PDE4B: variants seen among roughly 807,000 people sequenced by gnomAD.
PDE4B encodes 3',5'-cyclic-AMP phosphodiesterase 4B.
A neutral mutation model predicts 82.2 loss-of-function variants in PDE4B; 20 were observed. The ratio of observed to expected loss-of-function variants is 0.24; its 90% CI spans 0.17 to 0.35. The LOEUF (loss-of-function observed/expected upper bound fraction) is 0.35, where lower values mean the gene tolerates loss of function less well. PDE4B is among the 10% of genes least tolerant of loss of function. The pLI is 1.00. For synonymous variants in PDE4B, 320 were observed against 318.9 expected (o/e 1.00, Z -0.04); for missense variants, 655 against 907.2 (o/e 0.72, Z 3.57).
At chr1:65,913,105 C>T in intron 1 of PDE4B, 140 bp from the exon 2 acceptor site, 1 of 433,472 alleles carries the variant, frequency 2.3e-6, no homozygotes, top group Non-Finnish European at 4.1e-6. Flanking sequence ...GCATATCAAA[C>T]TTAATTGGCT....
At chr1:66,203,467 G>A (rs1387573742) in intron 3 of PDE4B, among the ~76,000 whole-genome samples, 5 of 152,148 alleles carry the variant, frequency 3.3e-5, no homozygotes, top group African/African-American at 4.8e-5. Context: ...CATTCTCCCT[G>A]TCACTTTCAG....
At position 66,242,505 on chromosome 1, in the gene PDE4B, C is replaced by T. The variant is rs184893198; in HGVS notation, c.282-4955C>T. 7.5e-4 allele frequency among the ~76,000 whole-genome samples: 114 copies of T among 152,208 alleles called. 1 individual carries two copies. In the South Asian group the frequency reaches 0.02, roughly 27 times the overall value. On this transcript the variant is annotated intron_variant, in intron 3 of 16. Transcript: ENST00000341517. Reference sequence around the variant, plus strand: ...GTTCACCTAGAGAATGACTAAGTTGCGAAAGAAAAATCTCCTCTGGTTCAG... The same window carrying T: ...GTTCACCTAGAGAATGACTAAGTTGTGAAAGAAAAATCTCCTCTGGTTCAG...
chr1:65,801,268 G>A (rs774260295), intron 1 of PDE4B, among the ~76,000 whole-genome samples: 19 of 152,124 alleles, frequency 1.2e-4, no homozygotes, highest in Non-Finnish European at 2.5e-4. Flanking sequence ...TTTTCAAGAT[G>A]TATCAGCCCT....
At chr1:66,289,445 G>A (rs189569884) in intron 7 of PDE4B, among the ~76,000 whole-genome samples, 91 of 152,180 alleles carry the variant, frequency 6.0e-4, no homozygotes, top group African/African-American at 2.1e-3. Context: ...TATTTCTATG[G>A]AATCTAGAAA....
chr1:65,908,910 GTTC>G (rs1336734872), intron 1 of PDE4B, among the ~76,000 whole-genome samples: 1 of 152,122 alleles, frequency 6.6e-6, no homozygotes, highest in Non-Finnish European at 1.5e-5. Context: ...CTTGTCATTA[GTTC>G]TTCTACTCTG....
chr1:66,353,111 A>C (rs1470890666), intron 8 of PDE4B, among the ~76,000 whole-genome samples: 1 of 152,216 alleles, frequency 6.6e-6, no homozygotes, highest in African/African-American at 2.4e-5. Flanking sequence ...GGCCATTGTG[A>C]CTGAGCAGTT....
At chr1:66,012,957 C>T (rs2100744273) in intron 3 of PDE4B, among the ~76,000 whole-genome samples, 2 of 152,050 alleles carry the variant, frequency 1.3e-5, no homozygotes, top group African/African-American at 4.8e-5. Flanking sequence ...TATTAGTATC[C>T]CCATCCAAGG....
intron 3 of PDE4B, among the ~76,000 whole-genome samples, chr1:66,060,528 G>C (rs1344858941): frequency 3.9e-5 from 6 of 152,148 alleles, no homozygotes; most frequent in Admixed American, 3.9e-4. Context: ...GGATTTTGAA[G>C]ATTTAGTATA....
At chr1:65,944,259 T>G (rs987713166) in intron 3 of PDE4B, among the ~76,000 whole-genome samples, 25 of 151,932 alleles carry the variant, frequency 1.6e-4, no homozygotes, top group African/African-American at 6.0e-4. Context: ...TTTTTGATTT[T>G]TTTTTTAGAT....
At chr1:66,050,836 T>A (rs1306854181) in intron 3 of PDE4B, 2 of 152,074 alleles carry the variant, frequency 1.3e-5, no homozygotes, top group Non-Finnish European at 2.9e-5. Flanking sequence ...ATGCTGCCCC[T>A]GTCATGGACA....
intron 7 of PDE4B, among the ~76,000 whole-genome samples, chr1:66,266,385 T>A (rs978923314): frequency 6.6e-6 from 1 of 152,346 alleles, no homozygotes; most frequent in African/African-American, 2.4e-5. Flanking sequence ...GTATTGACAG[T>A]GCAGCTTGAC....
chr1:65,804,765 T>G (rs182267020), intron 1 of PDE4B, among the ~76,000 whole-genome samples: 229 of 152,218 alleles, frequency 1.5e-3, no homozygotes, highest in African/African-American at 5.3e-3. Flanking sequence ...CCAGGTGGGC[T>G]GGGAGGAGGA....
At chr1:66,236,980 G>A (rs1192208591) in intron 3 of PDE4B, among the ~76,000 whole-genome samples, 1 of 152,192 alleles carries the variant, frequency 6.6e-6, no homozygotes, top group African/African-American at 2.4e-5. Context: ...GGTGATTAGA[G>A]CAATGAAATG....
At chr1:65,830,218 C>T (rs1052985636) in intron 1 of PDE4B, among the ~76,000 whole-genome samples, 2 of 151,976 alleles carry the variant, frequency 1.3e-5, no homozygotes. Flanking sequence ...AATAAATACA[C>T]GTGCATCTAC....
At chr1:66,307,962 C>G (rs558279824) in intron 7 of PDE4B, among the ~76,000 whole-genome samples, 2 of 152,170 alleles carry the variant, frequency 1.3e-5, no homozygotes, top group South Asian at 4.1e-4. Context: ...GCATGTTGCA[C>G]ACATTATTTT....
At chr1:66,075,066 G>T (rs969599750) in intron 3 of PDE4B, among the ~76,000 whole-genome samples, 1 of 152,034 alleles carries the variant, frequency 6.6e-6, no homozygotes, top group African/African-American at 2.4e-5. Context: ...CACAGCAGCA[G>T]CAGAAGTGTT....
intron 3 of PDE4B, among the ~76,000 whole-genome samples, chr1:66,221,895 C>CT (rs68051259): frequency 0.61 from 69,479 of 113,368 alleles, 16,183 homozygotes; most frequent in Middle Eastern, 0.64. Context: ...AGTGTATTGA[C>CT]TTTTTTTTTT....
intron 1 of PDE4B, among the ~76,000 whole-genome samples, chr1:65,908,906 A>G (rs1275251082): frequency 6.6e-6 from 1 of 152,180 alleles, no homozygotes; most frequent in Non-Finnish European, 1.5e-5. Flanking sequence ...CCCTCTTGTC[A>G]TTAGTTCTTC....
intron 8 of PDE4B, among the ~76,000 whole-genome samples, chr1:66,336,375 G>A (rs1557708712): frequency 6.6e-6 from 1 of 152,158 alleles, no homozygotes; most frequent in African/African-American, 2.4e-5. Context: ...GAGAAACCTA[G>A]TCTTTCACCT....
Sources: gnomAD v4.1 joint callset for allele counts (sites outside exome capture counted in the v4.1 genomes callset) on GRCh38, gnomAD v4.1.1 for gene constraint, MANE v1.5 for transcripts, NCBI Gene and HGNC (gene_info 2026-07-23, HGNC 2026-07-21) for gene names.